The following TOPAZ1 variants were observed in gnomAD, a reference collection of about 807,000 sequenced individuals.
TOPAZ1 encodes testis and ovary specific TOPAZ 1.
A neutral mutation model predicts 172.2 loss-of-function variants in TOPAZ1; 66 were observed. The ratio of observed to expected loss-of-function variants is 0.38; its 90% CI spans 0.31 to 0.47. The LOEUF (loss-of-function observed/expected upper bound fraction) is 0.47. Among genes scored for constraint, TOPAZ1 ranks in the 20% least tolerant of loss-of-function variants. TOPAZ1 has a pLI of 0.99. For synonymous variants in TOPAZ1, 681 were observed against 683.9 expected (o/e 1.00, Z 0.07); for missense variants, 1,822 against 1,972.4 (o/e 0.92, Z 1.44).
chr3:44,333,267 G>A (rs765835715), downstream of TOPAZ1, among the ~76,000 whole-genome samples: 2 of 152,112 alleles, frequency 1.3e-5, no homozygotes, highest in Admixed American at 1.3e-4. Flanking sequence ...AATGTAGAAC[G>A]AATACTATCA....
intron 2 of TOPAZ1, among the ~76,000 whole-genome samples, 188 bp downstream of exon 2, chr3:44,245,459 A>G (rs1699552747): frequency 6.6e-6 from 1 of 151,984 alleles, no homozygotes; most frequent in East Asian, 1.9e-4. Flanking sequence ...CTTAGAGTCA[A>G]AATAATGAAT....
chr3:44,254,297 TTTGACATTGACCGTATGACATACA>T (rs972806801), intron 2 of TOPAZ1, among the ~76,000 whole-genome samples: 1 of 152,158 alleles, frequency 6.6e-6, no homozygotes, highest in Non-Finnish European at 1.5e-5. Flanking sequence ...GCTGTCTTCC[TTTGACATTGACCGTATGACATACA>T]TATACATGCT....
Position 44,287,540 on chromosome 3 carries a change from G to T in TOPAZ1, c.3588G>T (p.Leu1196=). 6.8e-7 allele frequency: 1 copy of T among 1,470,598 alleles called. No individual in the cohort carries two copies. Among genetic ancestry groups the T allele is most frequent in the Non-Finnish European group, 9.0e-7 (1 of 1,109,424 alleles). 91.1% of individuals were successfully genotyped at this position (1,470,598 alleles called of 1,614,324 possible). Reference sequence around the variant, plus strand: ...ACCTCAGCATAATGGTTAAAATGCTGGTAAGTAGCCTGAAAATATATGTTA... The same window carrying T: ...ACCTCAGCATAATGGTTAAAATGCTTGTAAGTAGCCTGAAAATATATGTTA... The part of the protein sequence containing the change: ...IVNLSIMVKM[L]PSLKILLNIF... The change falls in exon 10 of 20, where the codon CTG becomes CTT. Residue 1196 remains leucine (L), a splice_region_variant and synonymous_variant. Coordinates refer to ENST00000309765, the MANE Select transcript of TOPAZ1 (RefSeq NM_001145030.2).
intron 8 of TOPAZ1, among the ~76,000 whole-genome samples, chr3:44,272,811 G>A (rs1399373502): frequency 6.6e-6 from 1 of 152,094 alleles, no homozygotes; most frequent in South Asian, 2.1e-4. Flanking sequence ...TGCCTGCCTC[G>A]GCCTCCCAAA....
At position 44,242,180 on chromosome 3, in the gene TOPAZ1, T is replaced by C. The variant is rs9833423; in HGVS notation, c.127T>C (p.Cys43Arg). 1,252,461 of 1,541,404 alleles carry C rather than the reference T, an allele frequency of 0.81. 509,378 individuals are homozygous for C. Among genetic ancestry groups the C allele is most frequent in the Middle Eastern group, 0.91 (5,280 of 5,796 alleles). Residue 43 changes from cysteine to arginine, a missense_variant, in exon 1 of 20, where the codon TGC becomes CGC. This residue lies in a region of TOPAZ1 where 1,489 missense variants were observed against 1,490.8 expected (regional missense o/e 1.00). Transcript: ENST00000309765. The part of the protein sequence containing the change: ...AGGCGPEAGG[C>R]RENKQKRRMV... ...AGGCTGTGGCCCTGAGGCCGGGGGG[T>C]GCCGGGAAAATAAGCAAAAGAGGAG... is the stretch of plus-strand genomic sequence containing the variant.
Position 44,331,118 on chromosome 3 carries a change from G to A in TOPAZ1, c.4860-674G>A, listed in dbSNP as rs147584504. On this transcript the variant is annotated intron_variant, in intron 19 of 19. Coordinates refer to ENST00000309765, the MANE Select transcript of TOPAZ1 (RefSeq NM_001145030.2). Reference sequence around the variant, plus strand: ...TTATGCATTCTCATGAATAATTGTAGTTATTCACTTTCAAAATACAAAGAT... The same window carrying A: ...TTATGCATTCTCATGAATAATTGTAATTATTCACTTTCAAAATACAAAGAT... Among the ~76,000 whole-genome samples the A allele has an allele frequency of 1.8e-4, 27 of 152,208 alleles. No homozygotes were observed. In the East Asian group the frequency reaches 4.2e-3, roughly 24 times the overall value.
rs1559549399 is a variant in TOPAZ1 at position 44,323,307 on chromosome 3, T to C, written c.4675+12T>C. The C allele has an allele frequency of 1.3e-6, 2 of 1,495,428 alleles. No individual in the cohort carries two copies. Among genetic ancestry groups the C allele is most frequent in the Admixed American group, 2.2e-5 (1 of 46,108 alleles). The allele number at this position is 1,495,428 out of a possible 1,614,324, so 92.6% of individuals were successfully genotyped here. A position where few individuals can be genotyped will look rare whatever the true frequency, so the allele number is the denominator to read the frequency against. On this transcript the variant is annotated intron_variant, in intron 18 of 19. Transcript: ENST00000309765. Reference sequence around the variant, plus strand: ...AGCCCACTACAAAAGTAAGTTACATTTAAAATGTTTTAATATATTGGTTTA... The same window carrying C: ...AGCCCACTACAAAAGTAAGTTACATCTAAAATGTTTTAATATATTGGTTTA...
At chr3:44,328,131 TCTA>T in intron 18 of TOPAZ1, 116 bp from the exon 19 acceptor site, 1 of 573,224 alleles carries the variant, frequency 1.7e-6, no homozygotes, top group Non-Finnish European at 2.9e-6. Flanking sequence ...AATTTGTTAA[TCTA>T]CTTCTAATGT....
intron 8 of TOPAZ1, among the ~76,000 whole-genome samples, chr3:44,281,124 T>C (rs1700018810): frequency 6.6e-6 from 1 of 152,222 alleles, no homozygotes; most frequent in South Asian, 2.1e-4. Context: ...TTCCCTGTAT[T>C]AGGGAGCCTC....
chr3:44,306,748 T>C (rs1700340708), intron 15 of TOPAZ1, among the ~76,000 whole-genome samples: 2 of 152,138 alleles, frequency 1.3e-5, no homozygotes, highest in Non-Finnish European at 2.9e-5. Context: ...AATCTCAGTA[T>C]AGAGAACACT....
rs1261216353 is a variant in TOPAZ1 at position 44,262,324 on chromosome 3, A to G, written c.2956-95A>G. On this transcript the variant is annotated intron_variant, in intron 4 of 19. Transcript: ENST00000309765. ...GCCATAAACTAGTTATTTAATTAAC[A>G]TCTAATACATTATAATAAATCCAGT... 1.2e-5 allele frequency: 6 copies of G among 518,738 alleles called. No individual in the cohort carries two copies. In the East Asian group the frequency reaches 2.1e-4, roughly 18 times the overall value. 32.1% of individuals were successfully genotyped at this position (518,738 alleles called of 1,614,324 possible).
chr3:44,305,605 A>T (rs937330279), intron 14 of TOPAZ1, among the ~76,000 whole-genome samples: 2 of 152,146 alleles, frequency 1.3e-5, no homozygotes, highest in African/African-American at 4.8e-5. Flanking sequence ...CTTGTGCTCA[A>T]GGGATCCTCC....
At chr3:44,320,846 G>A (rs1192795041) in intron 16 of TOPAZ1, among the ~76,000 whole-genome samples, 181 bp from the exon 17 acceptor site, 1 of 152,114 alleles carries the variant, frequency 6.6e-6, no homozygotes, top group Non-Finnish European at 1.5e-5. Flanking sequence ...ATCTTCTTCA[G>A]ATGATGATCA....
At chr3:44,306,110 C>T (rs1700334001) in intron 14 of TOPAZ1, among the ~76,000 whole-genome samples, 1 of 152,212 alleles carries the variant, frequency 6.6e-6, no homozygotes, top group African/African-American at 2.4e-5. Flanking sequence ...GCTTCGAACA[C>T]ACCACATGTG....
chr3:44,262,401 A>G lies in TOPAZ1; in HGVS notation c.2956-18A>G. On this transcript the variant is annotated intron_variant, in intron 4 of 19. Transcript: ENST00000309765. The stretch of plus-strand genomic sequence containing the variant: ...AGAGACCTTCACTTGTACTTATTTA[A>G]CCATAATCTCTTCACAGCATAGATT... 2.2e-6 allele frequency: 3 copies of G among 1,378,880 alleles called. No individual in the cohort carries two copies. The highest frequency in any genetic ancestry group is 3.0e-6 in the Non-Finnish European group (3 of 1,002,868). The allele number at this position is 1,378,880 out of a possible 1,614,324, so 85.4% of individuals were successfully genotyped here.
At chr3:44,277,466 G>A (rs1025203666) in intron 8 of TOPAZ1, among the ~76,000 whole-genome samples, 1 of 152,142 alleles carries the variant, frequency 6.6e-6, no homozygotes, top group Non-Finnish European at 1.5e-5. Flanking sequence ...TCTCCAACTT[G>A]GATGCCTTTT....
chr3:44,242,334 C>G lies in TOPAZ1; in HGVS notation c.281C>G (p.Ser94Trp). 19 of 1,551,074 alleles carry G rather than the reference C, an allele frequency of 1.2e-5. No homozygotes were observed. The highest frequency in any genetic ancestry group is 1.7e-5 in the Non-Finnish European group (19 of 1,147,108). ...AGGGGCCCGGTGAGCCCGTCAGACT[C>G]GTCAGACCCGCGAGGCCTAGAAGCA... ...GRRGPVSPSDSSDPRGLEAAK... is the reference protein window; with the variant it reads ...GRRGPVSPSDWSDPRGLEAAK... The change falls in exon 1 of 20, where the codon TCG becomes TGG. Residue 94 changes from serine to tryptophan, a missense_variant. Physicochemically the swap from Ser to Trp is radical, Grantham distance 177. Coordinates refer to ENST00000309765, the MANE Select transcript of TOPAZ1 (RefSeq NM_001145030.2).
At chr3:44,269,361 T>C (rs1021498424) in intron 7 of TOPAZ1, 60 bp downstream of exon 7, 30 of 945,172 alleles carry the variant, frequency 3.2e-5, no homozygotes, top group Admixed American at 1.3e-4. Context: ...TCCTCCTCCT[T>C]CTCCTCCCTC....
At chr3:44,252,733 C>CAT (rs1255879373) in intron 2 of TOPAZ1, among the ~76,000 whole-genome samples, 1 of 152,142 alleles carries the variant, frequency 6.6e-6, no homozygotes, top group Non-Finnish European at 1.5e-5. Flanking sequence ...TCTCTTGGCA[C>CAT]ATATCTCAGT....
Sources: allele counts gnomAD v4.1 joint callset (sites outside exome capture counted in the v4.1 genomes callset), GRCh38; gene constraint gnomAD v4.1.1; regional missense constraint gnomAD v4.1.1; transcripts MANE v1.5; gene names NCBI Gene and HGNC (gene_info 2026-07-23, HGNC 2026-07-21).